BSN: variants seen among roughly 807,000 people sequenced by gnomAD.
BSN encodes the protein protein bassoon.
Under a neutral mutation model 264.8 loss-of-function variants are expected in BSN, and 57 were observed. That is an observed-to-expected ratio of 0.22 (90% confidence interval 0.17 to 0.27). BSN has a LOEUF of 0.27. BSN is among the 10% of genes least tolerant of loss of function. The pLI is 1.00. For missense variants in BSN, 4,615 were observed against 5,232.5 expected (o/e 0.88, Z 3.64); for synonymous variants, 2,059 against 2,137.3 (o/e 0.96, Z 1.01).
At chr3:49,564,449 T>C (rs2051738213) in intron 1 of BSN, among the ~76,000 whole-genome samples, 1 of 152,252 alleles carries the variant, frequency 6.6e-6, no homozygotes, top group Non-Finnish European at 1.5e-5. Flanking sequence ...GAGACTCTTT[T>C]GGAACCTGAC....
At chr3:49,588,150 G>T (rs773894879) in intron 1 of BSN, among the ~76,000 whole-genome samples, 2 of 151,968 alleles carry the variant, frequency 1.3e-5, no homozygotes, top group Non-Finnish European at 2.9e-5. Context: ...TCAAACTCCT[G>T]ACCTTAGGTA....
chr3:49,661,744 G>A lies in BSN; in HGVS notation c.9899G>A (p.Gly3300Glu). 1 of 1,613,468 alleles carries A rather than the reference G, an allele frequency of 6.2e-7. No homozygotes were observed. Among genetic ancestry groups the A allele is most frequent in the South Asian group, 1.1e-5 (1 of 91,092 alleles). Residue 3300 changes from glycine (G) to glutamate (E), a missense_variant, in exon 6 of 12, where the codon GGG becomes GAG. Coordinates refer to ENST00000296452, the MANE Select transcript of BSN (RefSeq NM_003458.4). ...GAGGAGGACTCATACGATCCCCGCG[G>A]GAAGGGTGGCCACCTCCGGAGCATG... ...ESEEDSYDPR[G>E]KGGHLRSMES... is the part of the protein sequence containing the mutation.
At position 49,654,772 on chromosome 3, in the gene BSN, C is replaced by T; in HGVS notation, c.5216C>T (p.Ser1739Phe). Reference sequence around the variant, plus strand: ...ACCGTGAGCATCACCATGGCCTCGTCTGTGTTCATGGCTCAACAAAAGCAG... The same window carrying T: ...ACCGTGAGCATCACCATGGCCTCGTTTGTGTTCATGGCTCAACAAAAGCAG... ...ATTVSITMAS[S>F]VFMAQQKQPV... is the part of the protein sequence containing the mutation. Residue 1739 changes from serine (S) to phenylalanine (F), a missense_variant, in exon 5 of 12, where the codon TCT becomes TTT. Ser to Phe is a radical substitution (Grantham distance 155). This residue lies in a region of BSN where 3,415 missense variants were observed against 3,866.4 expected (regional missense o/e 0.88). Coordinates refer to ENST00000296452, the MANE Select transcript of BSN (RefSeq NM_003458.4). This position sits in a 1 kb window ranked among gnomAD's most constrained non-coding sequence, Gnocchi z 4.1. 1 of 1,613,704 alleles carries T rather than the reference C, an allele frequency of 6.2e-7. No homozygotes were observed. The highest frequency in any genetic ancestry group is 8.5e-7 in the Non-Finnish European group (1 of 1,179,998).
chr3:49,623,369 A>G (rs893232482), intron 1 of BSN, among the ~76,000 whole-genome samples: 6 of 152,272 alleles, frequency 3.9e-5, no homozygotes, highest in African/African-American at 9.6e-5. Context: ...GGGAAGCAGT[A>G]TAAAGCATTG....
At chr3:49,603,972 C>T (rs1256446808) in intron 1 of BSN, among the ~76,000 whole-genome samples, 8 of 152,142 alleles carry the variant, frequency 5.3e-5, no homozygotes, top group Non-Finnish European at 1.0e-4. Flanking sequence ...CTTACTTGGC[C>T]TAATGTTTTT....
chr3:49,579,584 C>CTT (rs71278640), intron 1 of BSN, among the ~76,000 whole-genome samples: 5 of 147,254 alleles, frequency 3.4e-5, no homozygotes, highest in Admixed American at 6.8e-5. Flanking sequence ...TTCTTTCTTT[C>CTT]TTTTTTTTTT....
Position 49,652,642 on chromosome 3 carries a change from C to T in BSN, c.3086C>T (p.Ser1029Phe). The T allele has an allele frequency of 6.2e-7, 1 of 1,609,082 alleles. No individual in the cohort carries two copies. Among genetic ancestry groups the T allele is most frequent in the Non-Finnish European group, 8.5e-7 (1 of 1,177,650 alleles). ...AKQQRKARHR[S>F]HGPLLPTIED... ...CAGCAGCGCAAGGCCCGGCACCGCT[C>T]CCACGGGCCCCTGCTACCCACCATC... The change falls in exon 5 of 12, where the codon TCC (serine) becomes TTC (phenylalanine). Residue 1029 changes from serine (S) to phenylalanine (F), a missense_variant. Around this residue, in one of 3 missense-constraint regions of BSN, gnomAD observed 1,197 missense variants for 1,348.0 expected, o/e 0.89. Transcript: ENST00000296452.
At chr3:49,573,019 G>A (rs905599092) in intron 1 of BSN, among the ~76,000 whole-genome samples, 3 of 152,230 alleles carry the variant, frequency 2.0e-5, no homozygotes, top group East Asian at 1.9e-4. Flanking sequence ...TCTCCACTCC[G>A]TCTTTCCTAG....
intron 1 of BSN, among the ~76,000 whole-genome samples, chr3:49,618,448 A>G (rs1237606645): frequency 6.6e-6 from 1 of 151,980 alleles, no homozygotes; most frequent in Non-Finnish European, 1.5e-5. Flanking sequence ...CTGGTTTCCT[A>G]CCTCATCATC....
chr3:49,637,475 C>T (rs1036660578), intron 2 of BSN, among the ~76,000 whole-genome samples: 1 of 152,180 alleles, frequency 6.6e-6, no homozygotes, highest in Non-Finnish European at 1.5e-5. Flanking sequence ...CCTCCTTGCT[C>T]CAGAGCCCAG....
chr3:49,611,917 C>T (rs1386348689), intron 1 of BSN, among the ~76,000 whole-genome samples: 1 of 152,190 alleles, frequency 6.6e-6, no homozygotes, highest in African/African-American at 2.4e-5. Flanking sequence ...CCTTCTCTTC[C>T]CTCCCTCTAT....
rs2052681379 is a variant in BSN at position 49,663,327 on chromosome 3, G to C, written c.11169G>C (p.Lys3723Asn). The stretch of plus-strand genomic sequence containing the variant: ...ACCATCATGCCTCTGACAGCAAGAA[G>C]GGCTCCCGGCAAGCCCACTCCGGGC... ...SAYHHASDSKKGSRQAHSGPA... is the reference protein window; with the variant it reads ...SAYHHASDSKNGSRQAHSGPA... Residue 3723 changes from lysine (K) to asparagine (N), a missense_variant, in exon 7 of 12, where the codon AAG becomes AAC. By Grantham distance (94) the Lys-to-Asn change is moderately conservative (BLOSUM62 0). Around this residue, in one of 3 missense-constraint regions of BSN, gnomAD observed 3,415 missense variants for 3,866.4 expected, o/e 0.88. Transcript: ENST00000296452. The C allele has an allele frequency of 1.2e-6, 2 of 1,613,932 alleles. No homozygotes were observed. The highest frequency in any genetic ancestry group is 8.5e-7 in the Non-Finnish European group (1 of 1,180,032).
intron 1 of BSN, among the ~76,000 whole-genome samples, chr3:49,593,625 A>G (rs1180964652): frequency 6.6e-6 from 1 of 151,968 alleles, no homozygotes; most frequent in Non-Finnish European, 1.5e-5. Flanking sequence ...TTTAATTTGT[A>G]TTTCCATAAT....
At chr3:49,572,834 C>T (rs1352987807) in intron 1 of BSN, among the ~76,000 whole-genome samples, 1 of 152,138 alleles carries the variant, frequency 6.6e-6, no homozygotes, top group African/African-American at 2.4e-5. Context: ...CGCCCAGCCA[C>T]CTTGCATTTT....
chr3:49,660,512 G>A lies in BSN; in HGVS notation c.8667G>A (p.Leu2889=), dbSNP rs761491358. The A allele has an allele frequency of 5.2e-6, 8 of 1,539,604 alleles. No individual in the cohort carries two copies. The highest frequency in any genetic ancestry group is 7.0e-6 in the Non-Finnish European group (8 of 1,143,158). ...SQVSALPPNS[L]VRKVKRTLPS... ...TGTCGGCGTTGCCACCCAACAGCCTGGTCCGCAAGGTGAAGCGGACACTGC... is the reference window on the plus strand; with the variant it reads ...TGTCGGCGTTGCCACCCAACAGCCTAGTCCGCAAGGTGAAGCGGACACTGC... Residue 2889 remains leucine, a synonymous_variant, in exon 6 of 12, where the codon CTG becomes CTA. Coordinates refer to ENST00000296452, the MANE Select transcript of BSN (RefSeq NM_003458.4). The surrounding 1 kb of genome is among the most constrained non-coding windows in gnomAD (Gnocchi z 7.1).
intron 2 of BSN, among the ~76,000 whole-genome samples, chr3:49,626,477 G>A (rs916360094): frequency 5.3e-5 from 8 of 152,152 alleles, no homozygotes; most frequent in Non-Finnish European, 1.2e-4. Flanking sequence ...CTGTCGGTGT[G>A]GGGAGATGAC....
chr3:49,652,534 G>A lies in BSN; in HGVS notation c.2978G>A (p.Gly993Asp). The A allele has an allele frequency of 6.2e-7, 1 of 1,613,630 alleles. No individual in the cohort carries two copies. Among genetic ancestry groups the A allele is most frequent in the Non-Finnish European group, 8.5e-7 (1 of 1,179,986 alleles). The change falls in exon 5 of 12, where the codon GGC becomes GAC. Residue 993 changes from glycine to aspartate, a missense_variant. Gly to Asp is a moderately conservative substitution (Grantham distance 94). Coordinates refer to ENST00000296452, the MANE Select transcript of BSN (RefSeq NM_003458.4). ...GCCTCCACACCCAGCTACACCTCGGGCACCTCTCCCACCTCTCTGTCCTCC... is the reference window on the plus strand; with the variant it reads ...GCCTCCACACCCAGCTACACCTCGGACACCTCTCCCACCTCTCTGTCCTCC... ...LPASTPSYTSGTSPTSLSSLE... is the reference protein window; with the variant it reads ...LPASTPSYTSDTSPTSLSSLE...
rs1483853486 is a variant in BSN, at chr3:49,642,365, C to T, written c.731C>T (p.Ser244Phe). 6.3e-7 allele frequency: 1 copy of T among 1,599,532 alleles called. No homozygotes were observed. Among genetic ancestry groups the T allele is most frequent in the African/African-American group, 1.3e-5 (1 of 74,790 alleles). The change falls in exon 3 of 12, where the codon TCC (serine) becomes TTC (phenylalanine). Residue 244 changes from serine (S) to phenylalanine (F), a missense_variant. Physicochemically the swap from Ser to Phe is radical, Grantham distance 155. Coordinates refer to ENST00000296452, the MANE Select transcript of BSN (RefSeq NM_003458.4). This position sits in a 1 kb window ranked among gnomAD's most constrained non-coding sequence, Gnocchi z 7.0. Reference sequence around the variant, plus strand: ...TCCAAGAGCCAGCAGCAGCTGCACTCCCCAGCCCTGTCTCCTGCCCACTCC... The same window carrying T: ...TCCAAGAGCCAGCAGCAGCTGCACTTCCCAGCCCTGTCTCCTGCCCACTCC... ...PRSKSQQQLH[S>F]PALSPAHSPA...
chr3:49,656,862 G>A lies in BSN; in HGVS notation c.7306G>A (p.Ala2436Thr), dbSNP rs1333987426. The change falls in exon 5 of 12, where the codon GCT becomes ACT. Residue 2436 changes from alanine (A) to threonine (T), a missense_variant. Physicochemically the swap from Ala to Thr is moderately conservative, Grantham distance 58. Around this residue, in one of 3 missense-constraint regions of BSN, gnomAD observed 3,415 missense variants for 3,866.4 expected, o/e 0.88. Transcript: ENST00000296452. The stretch of plus-strand genomic sequence containing the variant: ...GCAGCAGCAGCAAGAGGAACGCCAG[G>A]CTCAATTTGCACTGCAGCGGGAACA... ...VLQQQQEERQ[A>T]QFALQREQLA... The A allele has an allele frequency of 6.2e-7, 1 of 1,602,208 alleles. No homozygotes were observed. The highest frequency in any genetic ancestry group is 2.2e-5 in the East Asian group (1 of 44,558).
Sources: allele counts gnomAD v4.1 joint callset (sites outside exome capture counted in the v4.1 genomes callset), GRCh38; gene constraint gnomAD v4.1.1; regional missense constraint gnomAD v4.1.1; non-coding constraint Gnocchi (gnomAD v3.1); transcripts MANE v1.5; gene names NCBI Gene and HGNC (gene_info 2026-07-23, HGNC 2026-07-21).